Variants in PTPRD observed in about 807,000 individuals in gnomAD.
PTPRD encodes protein tyrosine phosphatase receptor type D.
PTPRD carries 34 observed loss-of-function variants against 214.5 expected under a neutral mutation model. That is an observed-to-expected ratio of 0.16 (90% CI 0.12 to 0.21). PTPRD has a LOEUF of 0.21. Among genes scored for constraint, PTPRD ranks in the 10% least tolerant of loss-of-function variants. PTPRD has a pLI of 1.00. For synonymous variants in PTPRD, 1,128 were observed against 845.7 expected, an observed-to-expected ratio of 1.33 and a Z score of -5.79; for missense variants, 2,545 against 2,398.7, an observed-to-expected ratio of 1.06 and a Z score of -1.27.
intron 3 of PTPRD, among the ~76,000 whole-genome samples, chr9:10,299,868 T>C (rs977006215): frequency 5.9e-5 from 9 of 152,196 alleles, no homozygotes; most frequent in African/African-American, 2.2e-4. Flanking sequence ...TCCCATTAAA[T>C]ATATTAATGC....
chr9:9,734,208 C>T (rs2098251751), intron 7 of PTPRD, among the ~76,000 whole-genome samples: 1 of 152,114 alleles, frequency 6.6e-6, no homozygotes, highest in South Asian at 2.1e-4. Context: ...AAATTTTCCA[C>T]ATTTTACCGC....
intron 11 of PTPRD, among the ~76,000 whole-genome samples, chr9:8,997,915 C>G (rs1401689799): frequency 1.3e-5 from 2 of 152,040 alleles, no homozygotes; most frequent in Non-Finnish European, 2.9e-5. Context: ...GATAGAAGAT[C>G]AAACCAGCCA....
chr9:10,122,139 C>T (rs2098780858), intron 3 of PTPRD, among the ~76,000 whole-genome samples: 2 of 152,108 alleles, frequency 1.3e-5, no homozygotes, highest in African/African-American at 4.8e-5. Context: ...GAATCCCCAT[C>T]TCTACTAAAA....
At chr9:9,358,107 T>C (rs1045182226) in intron 9 of PTPRD, among the ~76,000 whole-genome samples, 1 of 151,306 alleles carries the variant, frequency 6.6e-6, no homozygotes, top group Non-Finnish European at 1.5e-5. Flanking sequence ...CCACAACTAC[T>C]GGAAAATCTT....
intron 11 of PTPRD, among the ~76,000 whole-genome samples, chr9:8,919,875 G>A (rs575482058): frequency 4.0e-5 from 6 of 151,520 alleles, no homozygotes; most frequent in African/African-American, 1.4e-4. Flanking sequence ...GTACATGCAT[G>A]TATCATGCAT....
chr9:9,758,174 C>T (rs565917077), intron 6 of PTPRD, among the ~76,000 whole-genome samples: 85 of 130,270 alleles, frequency 6.5e-4, no homozygotes, highest in African/African-American at 2.4e-3. Flanking sequence ...TTGTATTCTC[C>T]CTTAGCAGAC....
At chr9:9,532,691 G>C (rs2075741350) in intron 8 of PTPRD, among the ~76,000 whole-genome samples, 1 of 152,118 alleles carries the variant, frequency 6.6e-6, no homozygotes, top group South Asian at 2.1e-4. Context: ...CTAAGAGTTT[G>C]AAACCCATAA....
chr9:8,683,535 C>T (rs920570447), intron 12 of PTPRD, among the ~76,000 whole-genome samples: 3 of 152,140 alleles, frequency 2.0e-5, no homozygotes, highest in Non-Finnish European at 4.4e-5. Flanking sequence ...AACCCACCTC[C>T]TCTATATGTC....
intron 2 of PTPRD, among the ~76,000 whole-genome samples, chr9:10,413,678 T>C (rs899951318): frequency 2.0e-5 from 3 of 151,984 alleles, no homozygotes; most frequent in Non-Finnish European, 4.4e-5. Context: ...AGAACAAAGC[T>C]GGAGGCATCA....
intron 25 of PTPRD, among the ~76,000 whole-genome samples, chr9:8,498,193 G>A (rs2097316955): frequency 6.6e-6 from 1 of 152,200 alleles, no homozygotes; most frequent in Non-Finnish European, 1.5e-5. Context: ...AAAGACTTCT[G>A]AGAGTTGACT....
chr9:10,355,948 T>C (rs914585400), intron 2 of PTPRD, among the ~76,000 whole-genome samples: 1 of 152,120 alleles, frequency 6.6e-6, no homozygotes, highest in Admixed American at 6.5e-5. Flanking sequence ...TCTAAAGTCG[T>C]ATTAGAGAGT....
At chr9:9,820,924 C>G (rs1032076435) in intron 5 of PTPRD, among the ~76,000 whole-genome samples, 1 of 152,074 alleles carries the variant, frequency 6.6e-6, no homozygotes, top group South Asian at 2.1e-4. Context: ...TGTAATGCCT[C>G]TGTCCTTGTT....
intron 39 of PTPRD, among the ~76,000 whole-genome samples, chr9:8,353,882 G>GTATATATGTGTATATATGTATATA (rs2076247044): frequency 7.1e-6 from 1 of 140,384 alleles, no homozygotes; most frequent in African/African-American, 2.7e-5. Context: ...ATGTATATAT[G>GTATATATGTGTATATATGTATATA]TGTATATATG....
At chr9:8,569,999 T>C (rs1049498905) in intron 14 of PTPRD, among the ~76,000 whole-genome samples, 1 of 152,126 alleles carries the variant, frequency 6.6e-6, no homozygotes, top group Admixed American at 6.6e-5. Context: ...GTTTCCGTAA[T>C]GAAGTTGTAG....
At chr9:10,575,518 T>C (rs2132147662) in intron 2 of PTPRD, among the ~76,000 whole-genome samples, 1 of 152,214 alleles carries the variant, frequency 6.6e-6, no homozygotes, top group East Asian at 1.9e-4. Context: ...ACATTCTCCT[T>C]GGTAATTAAG....
intron 12 of PTPRD, among the ~76,000 whole-genome samples, chr9:8,637,130 T>C (rs984338684): frequency 1.3e-5 from 2 of 152,170 alleles, no homozygotes; most frequent in African/African-American, 4.8e-5. Context: ...CACACATTAA[T>C]TTTTATTACC....
intron 11 of PTPRD, among the ~76,000 whole-genome samples, chr9:8,790,782 G>C (rs1415901160): frequency 6.6e-6 from 1 of 150,680 alleles, no homozygotes; most frequent in African/African-American, 2.4e-5. Flanking sequence ...AAAAAAAGGG[G>C]GTAGTGACAA....
rs189805691 is a variant in PTPRD at position 8,436,801 on chromosome 9, G to C, written c.3989-112C>G. ...GAAATGGCCTGAAAATATGTGAGTA[G>C]TAAAGATGTTTTAGGTGAGGAAGCA... On this transcript the variant is annotated intron_variant, in intron 34 of 45. Coordinates refer to ENST00000381196, the MANE Select transcript of PTPRD (RefSeq NM_002839.4). The C allele has an allele frequency of 4.7e-5, 38 of 814,204 alleles. No individual in the cohort carries two copies. In the East Asian group the frequency reaches 1.0e-3, roughly 22 times the overall value. The allele number at this position is 814,204 out of a possible 1,614,324, so 50.4% of individuals were successfully genotyped here.
intron 39 of PTPRD, among the ~76,000 whole-genome samples, chr9:8,359,107 C>CAAAAAAAAAAAAA (rs749802631): frequency 2.0e-4 from 2 of 9,836 alleles, no homozygotes; most frequent in African/African-American, 5.1e-4. Context: ...GACTCCGTCT[C>CAAAAAAAAAAAAA]AAAAAAAAAA....
Sources: gnomAD v4.1 joint callset for allele counts (sites outside exome capture counted in the v4.1 genomes callset) on GRCh38, gnomAD v4.1.1 for gene constraint, MANE v1.5 for transcripts, NCBI Gene and HGNC (gene_info 2026-07-23, HGNC 2026-07-21) for gene names.